ADAMTSL3: variants seen among roughly 807,000 people sequenced by gnomAD.
ADAMTSL3 encodes ADAMTS like 3.
ADAMTSL3 carries 128 observed loss-of-function variants against 201.7 expected under a neutral mutation model. The ratio of observed to expected loss-of-function variants is 0.63; its 90% CI spans 0.55 to 0.73. ADAMTSL3 has a LOEUF of 0.73. Among genes scored for constraint, ADAMTSL3 ranks in the 30% least tolerant of loss-of-function variants. ADAMTSL3 has a pLI of 0.00. For synonymous variants in ADAMTSL3, 738 were observed against 748.4 expected (o/e 0.99, Z 0.23); for missense variants, 1,990 against 2,119.6 (o/e 0.94, Z 1.20).
At chr15:83,855,218 C>T (rs151262097) in intron 7 of ADAMTSL3, among the ~76,000 whole-genome samples, 38 of 152,274 alleles carry the variant, frequency 2.5e-4, no homozygotes, top group African/African-American at 7.9e-4. Flanking sequence ...CTCTGGCATA[C>T]GCAGAGCCCC....
intron 7 of ADAMTSL3, among the ~76,000 whole-genome samples, chr15:83,844,995 C>G (rs972503588): frequency 7.9e-5 from 12 of 152,222 alleles, no homozygotes; most frequent in Non-Finnish European, 1.8e-4. Context: ...TCCCCAGTTA[C>G]ACTGGCTTTC....
At chr15:83,903,917 C>CAAAAAAA (rs1168502648) in intron 15 of ADAMTSL3, among the ~76,000 whole-genome samples, 372 of 19,030 alleles carry the variant, frequency 0.02, no homozygotes, top group East Asian at 0.025. Context: ...GACTCCACAT[C>CAAAAAAA]AAAAAAAAAA....
At chr15:83,975,611 A>T (rs2067273683) in intron 20 of ADAMTSL3, among the ~76,000 whole-genome samples, 1 of 152,224 alleles carries the variant, frequency 6.6e-6, no homozygotes, top group Admixed American at 6.5e-5. Flanking sequence ...CTGGGTGGTT[A>T]GAGGTCAGGA....
chr15:83,679,642 A>G (rs2061451531), intron 2 of ADAMTSL3, among the ~76,000 whole-genome samples: 1 of 152,074 alleles, frequency 6.6e-6, no homozygotes, highest in East Asian at 1.9e-4. Flanking sequence ...AACCTTTTGT[A>G]TTGTTAATTC....
intron 7 of ADAMTSL3, among the ~76,000 whole-genome samples, chr15:83,853,838 A>AT (rs2064669765): frequency 1.3e-5 from 2 of 152,024 alleles, no homozygotes; most frequent in African/African-American, 2.4e-5. Flanking sequence ...ACTACTGTAC[A>AT]TTTTTTCAAC....
intron 2 of ADAMTSL3, among the ~76,000 whole-genome samples, chr15:83,703,330 G>T (rs1567084325): frequency 6.6e-6 from 1 of 152,150 alleles, no homozygotes; most frequent in Non-Finnish European, 1.5e-5. Context: ...GACTTTGGGG[G>T]ACTGTTGGGA....
chr15:83,714,791 T>TTCTTTCTTTCTTTCTTTTTCTC lies in ADAMTSL3; in HGVS notation c.189+10286_189+10287insTTCTTTCTTTCTTTTTCTCTCT, dbSNP rs1555433213. On this transcript the variant is annotated intron_variant, in intron 3 of 29. Transcript: ENST00000286744. The stretch of plus-strand genomic sequence containing the variant: ...TCTTTCTTTCTTTCTTTCTTTTTCT[T>TTCTTTCTTTCTTTCTTTTTCTC]TCTCTCTCTTTCTTTCTTCTTTCTT... Among the ~76,000 whole-genome samples the TTCTTTCTTTCTTTCTTTTTCTC allele has an allele frequency of 6.3e-3, 498 of 78,886 alleles. 56 individuals carry two copies. Among genetic ancestry groups the TTCTTTCTTTCTTTCTTTTTCTC allele is most frequent in the South Asian group, 0.034 (83 of 2,408 alleles). 51.8% of individuals were successfully genotyped at this position (78,886 alleles called of 152,430 possible).
chr15:83,763,513 T>G (rs2062841810), intron 3 of ADAMTSL3, among the ~76,000 whole-genome samples: 1 of 151,212 alleles, frequency 6.6e-6, no homozygotes, highest in Admixed American at 6.6e-5. Flanking sequence ...ATTCTTTTTT[T>G]TTTTTTTTTG....
chr15:83,679,985 T>A (rs2061455459), intron 2 of ADAMTSL3, among the ~76,000 whole-genome samples: 1 of 152,154 alleles, frequency 6.6e-6, no homozygotes, highest in South Asian at 2.1e-4. Context: ...TGTCCCAGAG[T>A]GTCCACTACC....
At chr15:84,032,513 G>T (rs2141940566) in intron 28 of ADAMTSL3, among the ~76,000 whole-genome samples, 1 of 152,302 alleles carries the variant, frequency 6.6e-6, no homozygotes, top group East Asian at 1.9e-4. Flanking sequence ...ACCACACACA[G>T]ATTGATATGC....
intron 5 of ADAMTSL3, among the ~76,000 whole-genome samples, chr15:83,806,594 C>T (rs1488162114): frequency 6.6e-6 from 1 of 152,142 alleles, no homozygotes; most frequent in Non-Finnish European, 1.5e-5. Context: ...TGGCTCATGT[C>T]TGTAATCCCA....
At chr15:83,824,706 C>T (rs543690541) in intron 6 of ADAMTSL3, among the ~76,000 whole-genome samples, 5 of 152,196 alleles carry the variant, frequency 3.3e-5, no homozygotes, top group Non-Finnish European at 5.9e-5. Context: ...TTGCCTTTTC[C>T]GGAATGTCAC....
At chr15:83,924,620 C>G (rs1461968693) in intron 17 of ADAMTSL3, among the ~76,000 whole-genome samples, 1 of 152,092 alleles carries the variant, frequency 6.6e-6, no homozygotes, top group Admixed American at 6.5e-5. Flanking sequence ...AATCTGCTTC[C>G]TTGCTTAAGT....
intron 19 of ADAMTSL3, among the ~76,000 whole-genome samples, chr15:83,962,960 G>T (rs1410622269): frequency 6.6e-6 from 1 of 152,212 alleles, no homozygotes; most frequent in South Asian, 2.1e-4. Flanking sequence ...GAGGGACTGT[G>T]CTGTGAGGAA....
chr15:83,943,013 G>T lies in ADAMTSL3; in HGVS notation c.2421G>T (p.Lys807Asn). ...CAGATGAATTGTGCCAAGGACCCAA[G>T]GCATCGTCTCACAAGTCCTGTGCCA... ...NLSDELCQGP[K>N]ASSHKSCART... The change falls in exon 19 of 30, where the codon AAG becomes AAT. Residue 807 changes from lysine to asparagine, a missense_variant. Lys to Asn is a moderately conservative substitution (Grantham distance 94). Transcript: ENST00000286744. The T allele has an allele frequency of 1.9e-6, 3 of 1,614,094 alleles. No homozygotes were observed. The highest frequency in any genetic ancestry group is 2.5e-6 in the Non-Finnish European group (3 of 1,179,970).
At chr15:83,867,943 C>G (rs76302904) in intron 8 of ADAMTSL3, among the ~76,000 whole-genome samples, 2,040 of 152,228 alleles carry the variant, frequency 0.013, 36 homozygotes, top group African/African-American at 0.046. Flanking sequence ...CACTAGAGAC[C>G]TGAGTTGTGA....
chr15:84,035,877 C>T (rs2068495155), intron 28 of ADAMTSL3, among the ~76,000 whole-genome samples: 1 of 152,098 alleles, frequency 6.6e-6, no homozygotes, highest in African/African-American at 2.4e-5. Context: ...TCATTATTTG[C>T]TCTTTATGAA....
chr15:83,840,009 T>C (rs1480673265), intron 7 of ADAMTSL3, among the ~76,000 whole-genome samples: 2 of 152,204 alleles, frequency 1.3e-5, no homozygotes, highest in Non-Finnish European at 2.9e-5. Context: ...TTATCATGGC[T>C]GATAGCAAAA....
At chr15:83,774,142 T>C (rs972694594) in intron 4 of ADAMTSL3, among the ~76,000 whole-genome samples, 1 of 152,236 alleles carries the variant, frequency 6.6e-6, no homozygotes, top group Non-Finnish European at 1.5e-5. Context: ...AATAAGCCTG[T>C]GCTTATCATT....
Sources: gnomAD v4.1 joint callset for allele counts (sites outside exome capture counted in the v4.1 genomes callset) on GRCh38, gnomAD v4.1.1 for gene constraint, MANE v1.5 for transcripts, NCBI Gene and HGNC (gene_info 2026-07-23, HGNC 2026-07-21) for gene names.